The following RAB8A variants were observed in gnomAD, a reference collection of about 807,000 sequenced individuals.
RAB8A encodes the protein ras-related protein Rab-8A.
RAB8A carries 5 observed loss-of-function variants against 29.2 expected under a neutral mutation model. The ratio of observed to expected loss-of-function variants is 0.17; its 90% CI spans 0.09 to 0.36. The LOEUF is 0.36. Ranked by LOEUF, RAB8A falls within the 10% of genes least tolerant of loss-of-function variation. The pLI, the probability that RAB8A is intolerant of heterozygous loss-of-function variation, is 1.00. For missense variants in RAB8A, 171 were observed against 272.2 expected, an observed-to-expected ratio of 0.63 and a Z score of 2.62; for synonymous variants, 108 against 99.9, an observed-to-expected ratio of 1.08 and a Z score of -0.49.
Position 16,132,430 on chromosome 19 carries a change from G to A in RAB8A, c.*126G>A, listed in dbSNP as rs560472963. On this transcript the variant is annotated 3_prime_UTR_variant, in exon 8 of 8. Coordinates refer to ENST00000300935, the MANE Select transcript of RAB8A (RefSeq NM_005370.5). The surrounding 1 kb of genome is among the most constrained non-coding windows in gnomAD (Gnocchi z 5.6). ...CCCACGCCGCGGCCACCGGGCCCAC[G>A]GCCACCAGAATGCAATTGAGAAATC... The A allele has an allele frequency of 2.7e-5, 21 of 789,766 alleles. No homozygotes were observed. The highest frequency in any genetic ancestry group is 3.6e-4 in the Middle Eastern group (1 of 2,780). 48.9% of individuals were successfully genotyped at this position (789,766 alleles called of 1,614,324 possible). A position where few individuals can be genotyped will look rare whatever the true frequency, so the allele number is the denominator to read the frequency against.
intron 6 of RAB8A, 56 bp from the exon 7 acceptor site, chr19:16,129,498 G>A (rs1031570984): frequency 1.6e-5 from 25 of 1,562,158 alleles, no homozygotes; most frequent in Non-Finnish European, 2.0e-5. Context: ...GTACACGGGC[G>A]GCTGAGGACT....
At chr19:16,128,626 G>A (rs186804741) in intron 6 of RAB8A, among the ~76,000 whole-genome samples, 2 of 152,288 alleles carry the variant, frequency 1.3e-5, no homozygotes, top group East Asian at 1.9e-4. Context: ...CTATGCTGAC[G>A]TGAAGACAAA....
chr19:16,128,539 G>A (rs1410601534), intron 6 of RAB8A, among the ~76,000 whole-genome samples: 1 of 152,046 alleles, frequency 6.6e-6, no homozygotes, highest in Admixed American at 6.5e-5. Context: ...CCAGCCCTGC[G>A]GCCGATCCTG....
intron 7 of RAB8A, among the ~76,000 whole-genome samples, chr19:16,130,129 A>G (rs1410483513): frequency 6.7e-6 from 1 of 148,434 alleles, no homozygotes; most frequent in Non-Finnish European, 1.5e-5. Flanking sequence ...ATCCCTACCC[A>G]TCTACCCTCT....
At chr19:16,130,390 A>G (rs368774080) in intron 7 of RAB8A, among the ~76,000 whole-genome samples, 4 of 152,298 alleles carry the variant, frequency 2.6e-5, no homozygotes, top group African/African-American at 7.2e-5. Flanking sequence ...TGGTCACTTG[A>G]GAATGCACAT....
rs2090940949 is a variant in RAB8A, at chr19:16,133,717, C to G, written c.*1413C>G. On this transcript the variant is annotated 3_prime_UTR_variant, in exon 8 of 8. Coordinates refer to ENST00000300935, the MANE Select transcript of RAB8A (RefSeq NM_005370.5). ...GGTGGGTCTGGACAAGATGGTAGAG[C>G]CCATGGATTACCCCATCGAGCGGCC... 1 of 152,500 alleles carries G rather than the reference C, an allele frequency of 6.6e-6. No individual in the cohort carries two copies. Among genetic ancestry groups the G allele is most frequent in the African/African-American group, 2.4e-5 (1 of 41,440 alleles). 9.4% of individuals were successfully genotyped at this position (152,500 alleles called of 1,614,324 possible). A position where few individuals can be genotyped will look rare whatever the true frequency, so the allele number is the denominator to read the frequency against.
Position 16,129,576 on chromosome 19 carries a change from A to C in RAB8A, c.503A>C (p.Asp168Ala), listed in dbSNP as rs1434484343. 6.2e-7 allele frequency: 1 copy of C among 1,614,134 alleles called. No individual in the cohort carries two copies. The highest frequency in any genetic ancestry group is 8.5e-7 in the Non-Finnish European group (1 of 1,180,006). Residue 168 changes from aspartate (D) to alanine (A), a missense_variant, in exon 7 of 8, where the codon GAT (aspartate) becomes GCT (alanine). This residue lies in a region of RAB8A where 145 missense variants were observed against 212.8 expected (regional missense o/e 0.68). Coordinates refer to ENST00000300935, the MANE Select transcript of RAB8A (RefSeq NM_005370.5). ...CAGGCATTTTTCACTCTCGCCAGAGATATCAAAGCAAAAATGGACAAAAAA... is the reference window on the plus strand; with the variant it reads ...CAGGCATTTTTCACTCTCGCCAGAGCTATCAAAGCAAAAATGGACAAAAAA... The part of the protein sequence containing the change: ...VENAFFTLAR[D>A]IKAKMDKKLE...
At chr19:16,114,551 ATTT>A (rs758614217) in intron 1 of RAB8A, among the ~76,000 whole-genome samples, 4 of 117,748 alleles carry the variant, frequency 3.4e-5, no homozygotes, top group Admixed American at 8.6e-5. Context: ...TAATTTTTGT[ATTT>A]TTTTTTTTTT....
At chr19:16,131,359 T>C (rs1179048227) in intron 7 of RAB8A, among the ~76,000 whole-genome samples, 4 of 152,108 alleles carry the variant, frequency 2.6e-5, no homozygotes. Context: ...TAGAAGATAA[T>C]GGATGGATGG....
intron 1 of RAB8A, among the ~76,000 whole-genome samples, chr19:16,115,558 T>C (rs2090842685): frequency 2.0e-5 from 3 of 152,092 alleles, no homozygotes; most frequent in Admixed American, 1.3e-4. Flanking sequence ...AGGGTTGGCA[T>C]TTGAGAAAGT....
intron 4 of RAB8A, chr19:16,126,447 G>A (rs1170426225): frequency 6.6e-6 from 1 of 152,566 alleles, no homozygotes; most frequent in Non-Finnish European, 1.5e-5. Flanking sequence ...CATGGGAAGT[G>A]AGGCAGGGAG....
rs2090938408 is a variant in RAB8A, at chr19:16,133,381, C to G, written c.*1077C>G. 6.6e-6 allele frequency: 1 copy of G among 152,294 alleles called. No individual in the cohort carries two copies. Among genetic ancestry groups the G allele is most frequent in the Non-Finnish European group, 1.5e-5 (1 of 68,012 alleles). 9.4% of individuals were successfully genotyped at this position (152,294 alleles called of 1,614,324 possible). Reference sequence around the variant, plus strand: ...GGTTCTGTTTTGACAGCTCTGCTGTCCCATAGGGACTGCGACTGGGACCAG... The same window carrying G: ...GGTTCTGTTTTGACAGCTCTGCTGTGCCATAGGGACTGCGACTGGGACCAG... On this transcript the variant is annotated 3_prime_UTR_variant, in exon 8 of 8. Transcript: ENST00000300935.
intron 4 of RAB8A, chr19:16,126,807 A>G (rs7246895): frequency 0.3 from 46,119 of 152,036 alleles, 7,192 homozygotes; most frequent in South Asian, 0.35. Context: ...AGACCAGCCT[A>G]GCCAACATGG....
At position 16,127,323 on chromosome 19, in the gene RAB8A, T is replaced by A; in HGVS notation, c.325-114T>A. On this transcript the variant is annotated intron_variant, in intron 4 of 7. Coordinates refer to ENST00000300935, the MANE Select transcript of RAB8A (RefSeq NM_005370.5). This position sits in a 1 kb window ranked among gnomAD's most constrained non-coding sequence, Gnocchi z 4.8. ...TCAGCTTGTCCCTTAGACCAGGCTG[T>A]ACCTAGCAGTCCTGACCCCACCGCT... 1.8e-6 allele frequency: 1 copy of A among 563,290 alleles called. No individual in the cohort carries two copies. The highest frequency in any genetic ancestry group is 2.8e-6 in the Non-Finnish European group (1 of 355,250). The allele number at this position is 563,290 out of a possible 1,614,324, so 34.9% of individuals were successfully genotyped here. A position where few individuals can be genotyped will look rare whatever the true frequency, so the allele number is the denominator to read the frequency against.
chr19:16,127,192 A>G lies in RAB8A; in HGVS notation c.325-245A>G, dbSNP rs746487814. Among the ~76,000 whole-genome samples, 2 of 152,180 alleles carry G rather than the reference A, an allele frequency of 1.3e-5. No individual in the cohort carries two copies. The highest frequency in any genetic ancestry group is 2.9e-5 in the Non-Finnish European group (2 of 68,032). ...GATACAGCCATAGAAGCTGCCAGAA[A>G]GCATTTCAGAAAATGTGCATTTGCT... On this transcript the variant is annotated intron_variant, in intron 4 of 7. Transcript: ENST00000300935. The surrounding 1 kb of genome is among the most constrained non-coding windows in gnomAD (Gnocchi z 4.8).
chr19:16,126,829 C>G (rs2090903889), intron 4 of RAB8A: 1 of 152,198 alleles, frequency 6.6e-6, no homozygotes, highest in East Asian at 1.9e-4. Context: ...GAAACTCTGT[C>G]TCTACTAAAA....
Position 16,125,191 on chromosome 19 carries a change from G to A in RAB8A, c.247-279G>A, listed in dbSNP as rs1033953199. 4.2e-5 allele frequency: 22 copies of A among 523,382 alleles called. No homozygotes were observed. The East Asian group carries it at 5.2e-4, about 12-fold the overall frequency. 32.4% of individuals were successfully genotyped at this position (523,382 alleles called of 1,614,324 possible). On this transcript the variant is annotated intron_variant, in intron 3 of 7. Transcript: ENST00000300935. This position sits in a 1 kb window ranked among gnomAD's most constrained non-coding sequence, Gnocchi z 5.0. ...AGGGGAGCCAGCCGGGCTTGTCAGC[G>A]AGTGCGTGGCAGGGGCTGGCCTGTG...
At chr19:16,126,011 G>T (rs2090899546) in intron 4 of RAB8A, 2 of 224,744 alleles carry the variant, frequency 8.9e-6, no homozygotes. Context: ...TGAGAAGTAG[G>T]CCAACCCCTC....
At chr19:16,112,663 A>G (rs2090829772) in intron 1 of RAB8A, 1 of 153,976 alleles carries the variant, frequency 6.5e-6, no homozygotes, top group Non-Finnish European at 1.4e-5. Context: ...GAGAGATGCC[A>G]CTGCACACTC....
Sources: allele counts gnomAD v4.1 joint callset (sites outside exome capture counted in the v4.1 genomes callset), GRCh38; gene constraint gnomAD v4.1.1; regional missense constraint gnomAD v4.1.1; non-coding constraint Gnocchi (gnomAD v3.1); transcripts MANE v1.5; gene names NCBI Gene and HGNC (gene_info 2026-07-23, HGNC 2026-07-21).